Variants in SGCZ observed in about 807,000 individuals in gnomAD.
SGCZ encodes sarcoglycan zeta.
A neutral mutation model predicts 41.3 loss-of-function variants in SGCZ; 40 were observed. The observed-to-expected ratio is 0.97, with a 90% CI of 0.75 to 1.26. SGCZ has a LOEUF of 1.26. Ranked by LOEUF, SGCZ falls within the 50% of genes most tolerant of loss-of-function variation. The probability of loss-of-function intolerance (pLI) is 0.00; values close to 1 mark genes in which losing one functional copy is unlikely to be tolerated. For synonymous variants in SGCZ, 206 were observed against 137.5 expected (o/e 1.50, Z -3.49); for missense variants, 552 against 369.8 (o/e 1.49, Z -4.04).
At chr8:14,480,326 T>A (rs1468696661) in intron 2 of SGCZ, among the ~76,000 whole-genome samples, 1 of 152,188 alleles carries the variant, frequency 6.6e-6, no homozygotes, top group African/African-American at 2.4e-5. Flanking sequence ...CCTTGAAATA[T>A]TTTTTCTCTT....
intron 1 of SGCZ, among the ~76,000 whole-genome samples, chr8:15,223,151 C>G (rs112104305): frequency 6.6e-6 from 1 of 152,138 alleles, no homozygotes; most frequent in Non-Finnish European, 1.5e-5. Flanking sequence ...TCTGGATAAT[C>G]TGAAATTGAA....
chr8:14,439,329 A>ATCTC (rs906193113), intron 2 of SGCZ, among the ~76,000 whole-genome samples: 33 of 149,384 alleles, frequency 2.2e-4, no homozygotes, highest in African/African-American at 7.8e-4. Context: ...ATATATATAT[A>ATCTC]TCTCCTCATG....
At chr8:14,567,569 T>G (rs1161712170) in intron 1 of SGCZ, among the ~76,000 whole-genome samples, 1 of 151,998 alleles carries the variant, frequency 6.6e-6, no homozygotes, top group Non-Finnish European at 1.5e-5. Context: ...AGGATGTGGG[T>G]GGGGCTAGAT....
chr8:15,212,969 G>A (rs1478516435), intron 1 of SGCZ, among the ~76,000 whole-genome samples: 7 of 152,058 alleles, frequency 4.6e-5, no homozygotes, highest in East Asian at 1.9e-4. Flanking sequence ...ACCTCTTAAT[G>A]TTTCTGCTTA....
intron 1 of SGCZ, among the ~76,000 whole-genome samples, chr8:14,735,713 G>C (rs7004874): frequency 6.6e-6 from 1 of 151,898 alleles, no homozygotes; most frequent in Non-Finnish European, 1.5e-5. Context: ...ATATACATCT[G>C]TCCTGTTACT....
chr8:14,398,546 G>A (rs36002179), intron 2 of SGCZ, among the ~76,000 whole-genome samples: 1 of 151,914 alleles, frequency 6.6e-6, no homozygotes, highest in African/African-American at 2.4e-5. Flanking sequence ...TTTATTTGGG[G>A]TAAGGTTGAG....
At chr8:14,631,795 T>C (rs1450555201) in intron 1 of SGCZ, among the ~76,000 whole-genome samples, 1 of 152,112 alleles carries the variant, frequency 6.6e-6, no homozygotes, top group Non-Finnish European at 1.5e-5. Context: ...TTTCCACATG[T>C]CTCTACCACC....
intron 2 of SGCZ, among the ~76,000 whole-genome samples, chr8:14,378,708 G>C (rs1409109025): frequency 6.6e-6 from 1 of 152,088 alleles, no homozygotes; most frequent in Non-Finnish European, 1.5e-5. Flanking sequence ...GGACAGTCTT[G>C]GGGACTGACT....
chr8:14,986,673 G>C (rs1250453227), intron 1 of SGCZ, among the ~76,000 whole-genome samples: 2 of 151,972 alleles, frequency 1.3e-5, no homozygotes, highest in African/African-American at 4.8e-5. Flanking sequence ...AGTTTTAAGA[G>C]ACTTCTAGGT....
At chr8:14,090,674 A>T in intron 7 of SGCZ, 37 bp from the exon 8 acceptor site, 1 of 1,579,322 alleles carries the variant, frequency 6.3e-7, no homozygotes, top group Non-Finnish European at 8.6e-7. Context: ...AATTCATTTT[A>T]GAAATGTAGC....
At chr8:15,009,613 A>G (rs2130924231) in intron 1 of SGCZ, among the ~76,000 whole-genome samples, 1 of 152,312 alleles carries the variant, frequency 6.6e-6, no homozygotes, top group South Asian at 2.1e-4. Context: ...TCCAGTTAAC[A>G]ATCATTTTTA....
chr8:15,218,628 G>A (rs1307329408), intron 1 of SGCZ, among the ~76,000 whole-genome samples: 2 of 152,132 alleles, frequency 1.3e-5, no homozygotes, highest in African/African-American at 2.4e-5. Context: ...CAGTTTATCA[G>A]CTTTTCTTCC....
chr8:15,218,030 G>A (rs75464138), intron 1 of SGCZ, among the ~76,000 whole-genome samples: 4,548 of 152,016 alleles, frequency 0.03, 81 homozygotes, highest in Middle Eastern at 0.038. Flanking sequence ...AGATTCCTTC[G>A]GTAAACATAC....
chr8:14,751,789 C>T (rs1799505608), intron 1 of SGCZ, among the ~76,000 whole-genome samples: 1 of 140,932 alleles, frequency 7.1e-6, no homozygotes, highest in Non-Finnish European at 1.5e-5. Context: ...ACCTCGTGAT[C>T]TGCCCACCTC....
chr8:14,577,730 T>C (rs891247348), intron 1 of SGCZ, among the ~76,000 whole-genome samples: 1 of 152,188 alleles, frequency 6.6e-6, no homozygotes, highest in African/African-American at 2.4e-5. Flanking sequence ...ACAATTGTCC[T>C]TCCAATCTGC....
intron 4 of SGCZ, among the ~76,000 whole-genome samples, chr8:14,195,937 G>T (rs1053766618): frequency 1.3e-5 from 2 of 152,128 alleles, no homozygotes; most frequent in African/African-American, 4.8e-5. Flanking sequence ...AATGACATCA[G>T]ATGGAAATAT....
chr8:15,214,773 C>G (rs558343930), intron 1 of SGCZ, among the ~76,000 whole-genome samples: 56 of 152,206 alleles, frequency 3.7e-4, no homozygotes, highest in African/African-American at 1.3e-3. Context: ...AAAATAATTG[C>G]CTATCTAGGC....
At chr8:14,116,316 C>A (rs1308369258) in intron 5 of SGCZ, among the ~76,000 whole-genome samples, 1 of 152,008 alleles carries the variant, frequency 6.6e-6, no homozygotes, top group Non-Finnish European at 1.5e-5. Flanking sequence ...AACATAGTGT[C>A]TCATGAACCA....
At chr8:14,134,929 C>G (rs144615061) in intron 5 of SGCZ, among the ~76,000 whole-genome samples, 1 of 152,110 alleles carries the variant, frequency 6.6e-6, no homozygotes, top group Non-Finnish European at 1.5e-5. Context: ...AAAACTTTAA[C>G]ATAAATTATT....
Sources: allele counts gnomAD v4.1 joint callset (sites outside exome capture counted in the v4.1 genomes callset), GRCh38; gene constraint gnomAD v4.1.1; transcripts MANE v1.5; gene names NCBI Gene and HGNC (gene_info 2026-07-23, HGNC 2026-07-21).